Variants in DHRSX observed in about 807,000 individuals in gnomAD.
DHRSX encodes dehydrogenase/reductase X-linked, also known as polyprenol dehydrogenase.
In DHRSX, 31 loss-of-function variants were observed where a neutral mutation model predicts 34.0. That is an observed-to-expected ratio of 0.91 (90% CI 0.69 to 1.23). The LOEUF (loss-of-function observed/expected upper bound fraction) is 1.23, where lower values mean the gene tolerates loss of function less well. DHRSX is among the 50% of genes most tolerant of loss of function. The probability of loss-of-function intolerance (pLI) is 0.00; values close to 1 mark genes in which losing one functional copy is unlikely to be tolerated. For missense variants in DHRSX, 414 were observed against 428.1 expected (o/e 0.97, Z 0.29); for synonymous variants, 201 against 183.8 (o/e 1.09, Z -0.76).
intron 6 of DHRSX, among the ~76,000 whole-genome samples, chrX:2,239,479 G>A (rs1220255413): frequency 1.3e-5 from 2 of 151,766 alleles, no homozygotes; most frequent in East Asian, 1.9e-4. Context: ...AAAAGAGGCC[G>A]GGCGTGGTGG....
intron 2 of DHRSX, among the ~76,000 whole-genome samples, chrX:2,421,753 C>A (rs1159055613): frequency 3.3e-5 from 5 of 152,174 alleles, no homozygotes; most frequent in African/African-American, 1.2e-4. Context: ...AAGTGGATGG[C>A]CATCGAGGCT....
chrX:2,347,034 T>C (rs1284085395), intron 3 of DHRSX, among the ~76,000 whole-genome samples: 2 of 152,174 alleles, frequency 1.3e-5, no homozygotes, highest in Non-Finnish European at 2.9e-5. Context: ...CATATTGTCT[T>C]TACACAATCT....
intron 3 of DHRSX, among the ~76,000 whole-genome samples, chrX:2,316,869 A>G (rs1421348352): frequency 6.6e-6 from 1 of 152,190 alleles, no homozygotes; most frequent in Non-Finnish European, 1.5e-5. Flanking sequence ...GCAAGCCTCC[A>G]TTAGTTTAGA....
chrX:2,372,608 CTTT>C (rs1569494887), intron 3 of DHRSX, among the ~76,000 whole-genome samples: 1 of 96,898 alleles, frequency 1.0e-5, no homozygotes, highest in Non-Finnish European at 2.3e-5. Flanking sequence ...TCTTTTCCTT[CTTT>C]GTTTTTTTTT....
chrX:2,255,558 A>G (rs751531804), intron 5 of DHRSX, among the ~76,000 whole-genome samples: 2 of 152,346 alleles, frequency 1.3e-5, no homozygotes, highest in South Asian at 4.1e-4. Context: ...GCCCATGCCT[A>G]TAACAACTCC....
intron 5 of DHRSX, among the ~76,000 whole-genome samples, chrX:2,252,903 G>A (rs908223662): frequency 6.6e-6 from 1 of 152,120 alleles, no homozygotes; most frequent in Non-Finnish European, 1.5e-5. Context: ...GTTGGTATTA[G>A]GCCGGGAGTG....
chrX:2,267,115 GAGAAGATTCT>G (rs1441739419), intron 4 of DHRSX, among the ~76,000 whole-genome samples, 168 bp from the exon 5 acceptor site: 1 of 152,206 alleles, frequency 6.6e-6, no homozygotes, highest in African/African-American at 2.4e-5. Flanking sequence ...AGGTGTGATG[GAGAAGATTCT>G]AGAAGATCAC....
At chrX:2,303,793 GTGGGT>G (rs2042046969) in intron 3 of DHRSX, among the ~76,000 whole-genome samples, 2 of 35,812 alleles carry the variant, frequency 5.6e-5, no homozygotes, top group Non-Finnish European at 1.6e-4. Context: ...GGATGGATGG[GTGGGT>G]GGGTGGGTGG....
intron 3 of DHRSX, among the ~76,000 whole-genome samples, chrX:2,399,985 A>G (rs1048326789): frequency 3.3e-5 from 5 of 152,106 alleles, no homozygotes; most frequent in African/African-American, 1.2e-4. Context: ...GCAGTGAGCT[A>G]TGATCACACC....
chrX:2,282,637 A>G lies in DHRSX; in HGVS notation c.388+8865T>C, dbSNP rs1196357482. On this transcript the variant is annotated intron_variant, in intron 4 of 6. Coordinates refer to ENST00000334651, the MANE Select transcript of DHRSX (RefSeq NM_145177.3). ...AGAGGGGAGGGAGAGAAGAAGGGAA[A>G]GGGAGGGAGAGAGGGAGAGAGAGAA... 5.2e-3 allele frequency among the ~76,000 whole-genome samples: 485 copies of G among 93,882 alleles called. 2 individuals carry two copies. Among genetic ancestry groups the G allele is most frequent in the Non-Finnish European group, 0.011 (424 of 37,950 alleles). The allele number at this position is 93,882 out of a possible 152,430, so 61.6% of individuals were successfully genotyped here. A position where few individuals can be genotyped will look rare whatever the true frequency, so the allele number is the denominator to read the frequency against.
At chrX:2,490,307 A>G (rs773357335) in intron 1 of DHRSX, 3 of 1,613,340 alleles carry the variant, frequency 1.9e-6, no homozygotes, top group Non-Finnish European at 8.5e-7. Flanking sequence ...GGCTGGGTAC[A>G]GCCCCTCGCA....
At chrX:2,259,403 TATAG>T (rs1458772455) in intron 5 of DHRSX, among the ~76,000 whole-genome samples, 3 of 144,034 alleles carry the variant, frequency 2.1e-5, no homozygotes, top group Non-Finnish European at 4.6e-5. Flanking sequence ...TAGATATATA[TATAG>T]ATATAGATAT....
intron 1 of DHRSX, among the ~76,000 whole-genome samples, chrX:2,448,539 T>G (rs1415031518): frequency 6.7e-6 from 1 of 149,698 alleles, no homozygotes; most frequent in Non-Finnish European, 1.5e-5. Context: ...GTTAATTAGC[T>G]TGTTAATATG....
chrX:2,499,659 C>A (rs2045364751), intron 1 of DHRSX, among the ~76,000 whole-genome samples: 1 of 152,132 alleles, frequency 6.6e-6, no homozygotes, highest in Non-Finnish European at 1.5e-5. Context: ...GTAAACCCAG[C>A]ACTTTGGGGG....
intron 5 of DHRSX, among the ~76,000 whole-genome samples, chrX:2,260,679 T>C (rs1274659200): frequency 6.6e-6 from 1 of 151,998 alleles, no homozygotes; most frequent in Non-Finnish European, 1.5e-5. Context: ...CAGGCTGGTC[T>C]TGAACTCCTG....
At chrX:2,479,797 A>T (rs1349415548) in intron 1 of DHRSX, among the ~76,000 whole-genome samples, 1 of 151,930 alleles carries the variant, frequency 6.6e-6, no homozygotes, top group Non-Finnish European at 1.5e-5. Context: ...TTCCCTAAGC[A>T]TGCAGCAAAG....
intron 3 of DHRSX, among the ~76,000 whole-genome samples, chrX:2,353,655 C>T (rs1313628550): frequency 6.7e-6 from 1 of 149,770 alleles, no homozygotes; most frequent in Non-Finnish European, 1.5e-5. Context: ...GCGATCTCGG[C>T]TCACCTCAAT....
chrX:2,433,909 G>A (rs1220983154), intron 1 of DHRSX, among the ~76,000 whole-genome samples: 1 of 152,064 alleles, frequency 6.6e-6, no homozygotes, highest in Non-Finnish European at 1.5e-5. Flanking sequence ...CGAGTAGCTG[G>A]GACTACAGGC....
chrX:2,349,251 C>T (rs747874635), intron 3 of DHRSX, among the ~76,000 whole-genome samples: 1 of 152,018 alleles, frequency 6.6e-6, no homozygotes, highest in African/African-American at 2.4e-5. Flanking sequence ...TGAACCCAAG[C>T]GTTCAATAGA....
Sources: allele counts gnomAD v4.1 joint callset (sites outside exome capture counted in the v4.1 genomes callset), GRCh38; gene constraint gnomAD v4.1.1; transcripts MANE v1.5; gene names NCBI Gene and HGNC (gene_info 2026-07-23, HGNC 2026-07-21).